Variants in BTD observed in about 807,000 individuals in gnomAD.
BTD encodes the protein biotinidase.
A neutral mutation model predicts 17.7 loss-of-function variants in BTD; 13 were observed. That is an observed-to-expected ratio of 0.74 (90% CI 0.48 to 1.17). The LOEUF is 1.17. Ranked by LOEUF, BTD falls within the 50% of genes most tolerant of loss-of-function variation. The pLI is 0.00. For synonymous variants in BTD, 240 were observed against 245.2 expected, an observed-to-expected ratio of 0.98 and a Z score of 0.20; for missense variants, 674 against 650.4, an observed-to-expected ratio of 1.04 and a Z score of -0.39.
At chr3:15,706,712 TAAAA>T (rs1482766445) in intron 3 of BTD, among the ~76,000 whole-genome samples, 2 of 152,202 alleles carry the variant, frequency 1.3e-5, no homozygotes, top group African/African-American at 4.8e-5. Context: ...ACCAACAGTA[TAAAA>T]GTGTTCCTAT....
Position 15,616,191 on chromosome 3 carries a change from T to C in BTD, c.-17+14297T>C, listed in dbSNP as rs544945273. On this transcript the variant is annotated intron_variant, in intron 1 of 3. Transcript: ENST00000643237. ...AGAATACGATTGCTGAATCATATGA[T>C]AAGAGTATGCTTCATTTTGTAAGAA... 2.0e-5 allele frequency among the ~76,000 whole-genome samples: 3 copies of C among 152,356 alleles called. No individual in the cohort carries two copies. In the South Asian group the frequency reaches 6.2e-4, roughly 32 times the overall value.
At chr3:15,627,160 C>T (rs1283112924) in intron 1 of BTD, among the ~76,000 whole-genome samples, 2 of 152,174 alleles carry the variant, frequency 1.3e-5, no homozygotes, top group African/African-American at 2.4e-5. Flanking sequence ...TGAGCAGCCA[C>T]GGCATGCCGG....
At chr3:15,659,300 G>T (rs898646332) in intron 3 of BTD, among the ~76,000 whole-genome samples, 3 of 151,758 alleles carry the variant, frequency 2.0e-5, no homozygotes, top group African/African-American at 7.3e-5. Context: ...CCATGACTGA[G>T]TGTGGGGGGG....
chr3:15,602,069 G>A (rs945344417), intron 1 of BTD, 175 bp downstream of exon 1: 49 of 1,444,722 alleles, frequency 3.4e-5, no homozygotes, highest in Non-Finnish European at 4.2e-5. Flanking sequence ...GTGCTACCGC[G>A]TTGCGTTTTC....
upstream of BTD, chr3:15,601,629 C>T (rs1278796844): frequency 3.9e-6 from 6 of 1,556,092 alleles, no homozygotes; most frequent in African/African-American, 8.2e-5. Context: ...GGTCTAAATT[C>T]GTCCACTTCC....
At chr3:15,710,999 TTCTC>T (rs144820494) in exon 4 of BTD, among the ~76,000 whole-genome samples, 2 of 151,026 alleles carry the variant, frequency 1.3e-5, no homozygotes, top group Non-Finnish European at 1.5e-5. Flanking sequence ...TGTAGGTTTA[TTCTC>T]TCTCTCTCTC....
intron 4 of BTD, among the ~76,000 whole-genome samples, chr3:15,719,148 C>A (rs2073413294): frequency 6.6e-6 from 1 of 151,822 alleles, no homozygotes; most frequent in African/African-American, 2.4e-5. Context: ...TTTTTTCTTC[C>A]TTGGGTGTAG....
At chr3:15,641,567 C>T (rs1474221725) in intron 2 of BTD, among the ~76,000 whole-genome samples, 1 of 152,212 alleles carries the variant, frequency 6.6e-6, no homozygotes, top group Non-Finnish European at 1.5e-5. Flanking sequence ...CCCCTGGTAT[C>T]CTAAGAACTC....
At chr3:15,720,861 G>T in intron 4 of BTD, 1 of 1,499,508 alleles carries the variant, frequency 6.7e-7, no homozygotes, top group Non-Finnish European at 9.2e-7. Context: ...CACCATTGAT[G>T]TTGTTTTAAC....
chr3:15,663,511 T>C (rs2065946802), intron 3 of BTD, among the ~76,000 whole-genome samples: 1 of 152,210 alleles, frequency 6.6e-6, no homozygotes, highest in Non-Finnish European at 1.5e-5. Context: ...CTAATAGATA[T>C]AGGTCCATTC....
At chr3:15,676,422 T>C (rs547081978) in intron 3 of BTD, among the ~76,000 whole-genome samples, 1 of 152,222 alleles carries the variant, frequency 6.6e-6, no homozygotes, top group Admixed American at 6.5e-5. Context: ...TGACTAATTT[T>C]TGGACCTTCA....
chr3:15,696,489 C>T (rs1162778893), intron 3 of BTD, among the ~76,000 whole-genome samples: 2 of 151,186 alleles, frequency 1.3e-5, no homozygotes, highest in African/African-American at 2.4e-5. Flanking sequence ...TGTCAGACAG[C>T]TTTTTTTTTC....
intron 1 of BTD, among the ~76,000 whole-genome samples, chr3:15,615,316 C>A (rs923940786): frequency 6.6e-5 from 10 of 152,176 alleles, no homozygotes; most frequent in African/African-American, 2.4e-4. Flanking sequence ...GTACTATTTT[C>A]CCCTGCTCAG....
downstream of BTD, chr3:15,714,662 G>A: frequency 6.3e-7 from 1 of 1,575,676 alleles, no homozygotes; most frequent in Non-Finnish European, 8.6e-7. Flanking sequence ...TTACTCTGGG[G>A]GGGGAAGAAA....
In BTD at chr3:15,644,669, C is replaced by G; in HGVS notation, c.753C>G (p.Ala251=). 1 of 1,614,192 alleles carries G rather than the reference C, an allele frequency of 6.2e-7. No homozygotes were observed. The highest frequency in any genetic ancestry group is 8.5e-7 in the Non-Finnish European group (1 of 1,180,038). The change falls in exon 4 of 4, where the codon GCC becomes GCG. Residue 251 remains alanine (A), a synonymous_variant. Transcript: ENST00000643237. ...YKVKHVVYPT[A]WMNQLPLLAA... ...TGAAGCATGTTGTGTACCCAACTGC[C>G]TGGATGAACCAGCTCCCACTCTTGG... is the stretch of plus-strand genomic sequence containing the variant.
intron 4 of BTD, chr3:15,721,189 C>T: frequency 7.0e-7 from 1 of 1,438,222 alleles, no homozygotes; most frequent in Non-Finnish European, 9.6e-7. Flanking sequence ...ATGTTGTGAG[C>T]TATTTTAGCA....
At chr3:15,676,120 C>A (rs2066910049) in intron 3 of BTD, 2 of 599,306 alleles carry the variant, frequency 3.3e-6, no homozygotes, top group Admixed American at 3.3e-5. Context: ...AAACCTAGTC[C>A]TAATAACAAA....
At chr3:15,602,789 C>T (rs551677191) in intron 1 of BTD, among the ~76,000 whole-genome samples, 1 of 152,162 alleles carries the variant, frequency 6.6e-6, no homozygotes, top group East Asian at 1.9e-4. Flanking sequence ...CTCAACCCCA[C>T]CCCAAGCAGA....
chr3:15,674,196 A>AAG (rs1553573255), intron 3 of BTD, among the ~76,000 whole-genome samples: 1 of 130,168 alleles, frequency 7.7e-6, no homozygotes, highest in Admixed American at 7.8e-5. Context: ...AAAAAAAAAA[A>AAG]AAGAAGAAGA....
Sources: gnomAD v4.1 joint callset for allele counts (sites outside exome capture counted in the v4.1 genomes callset) on GRCh38, gnomAD v4.1.1 for gene constraint, MANE v1.5 for transcripts, NCBI Gene and HGNC (gene_info 2026-07-23, HGNC 2026-07-21) for gene names.